Variants in RBFOX1 observed in about 807,000 individuals in gnomAD.
RBFOX1 encodes the protein RNA binding protein fox-1 homolog 1.
A neutral mutation model predicts 57.7 loss-of-function variants in RBFOX1; 8 were observed. The ratio of observed to expected loss-of-function variants is 0.14; its 90% CI spans 0.08 to 0.25. The LOEUF (loss-of-function observed/expected upper bound fraction) is 0.25. RBFOX1 is among the 10% of genes least tolerant of loss of function. The pLI is 1.00. For missense variants in RBFOX1, 611 were observed against 548.5 expected (o/e 1.11, Z -1.14); for synonymous variants, 326 against 222.4 (o/e 1.47, Z -4.15).
chr16:6,851,049 C>T (rs1271379825), intron 3 of RBFOX1, among the ~76,000 whole-genome samples: 1 of 152,068 alleles, frequency 6.6e-6, no homozygotes, highest in Non-Finnish European at 1.5e-5. Flanking sequence ...TAAAAAAGAA[C>T]AAATTATTGA....
At chr16:6,599,121 A>G (rs1567826426) in intron 2 of RBFOX1, among the ~76,000 whole-genome samples, 1 of 152,224 alleles carries the variant, frequency 6.6e-6, no homozygotes. Context: ...ATCACCTGAT[A>G]CGGTCATTTG....
chr16:7,147,293 C>T (rs1232891563), intron 4 of RBFOX1, among the ~76,000 whole-genome samples: 1 of 151,722 alleles, frequency 6.6e-6, no homozygotes, highest in Non-Finnish European at 1.5e-5. Context: ...GCATGAGCCA[C>T]CACACCTGGC....
At chr16:6,970,961 C>T (rs1449913401) in intron 3 of RBFOX1, among the ~76,000 whole-genome samples, 2 of 152,170 alleles carry the variant, frequency 1.3e-5, no homozygotes, top group African/African-American at 2.4e-5. Flanking sequence ...TGCATACCTA[C>T]CCATTTCCTC....
intron 4 of RBFOX1, among the ~76,000 whole-genome samples, chr16:7,294,439 C>CAT (rs2095851995): frequency 6.6e-6 from 1 of 151,122 alleles, no homozygotes; most frequent in South Asian, 2.1e-4. Flanking sequence ...TCTCTTTTGA[C>CAT]ATATGTCAGT....
intron 4 of RBFOX1, among the ~76,000 whole-genome samples, chr16:7,238,443 A>G (rs553987983): frequency 1.7e-4 from 26 of 152,250 alleles, no homozygotes; most frequent in Middle Eastern, 3.4e-3. Flanking sequence ...TTTTGCTTCC[A>G]CAGAGCCTTT....
chr16:6,166,188 A>G (rs1015592016), intron 1 of RBFOX1, among the ~76,000 whole-genome samples: 1 of 152,154 alleles, frequency 6.6e-6, no homozygotes, highest in Non-Finnish European at 1.5e-5. Context: ...CTGACCTTGA[A>G]ATAGGACACC....
chr16:7,423,162 C>G (rs1418369594), intron 4 of RBFOX1: 1 of 151,354 alleles, frequency 6.6e-6, no homozygotes, highest in Non-Finnish European at 1.5e-5. Flanking sequence ...TGTTGGAGCC[C>G]TGCTGTATTT....
At chr16:6,677,764 C>T (rs1426510343) in intron 3 of RBFOX1, among the ~76,000 whole-genome samples, 3 of 152,166 alleles carry the variant, frequency 2.0e-5, no homozygotes, top group South Asian at 2.1e-4. Context: ...CTTCTGACAT[C>T]ACTATACAAG....
chr16:6,144,611 G>A (rs1437334964), intron 1 of RBFOX1, among the ~76,000 whole-genome samples: 1 of 152,206 alleles, frequency 6.6e-6, no homozygotes, highest in Admixed American at 6.5e-5. Flanking sequence ...GCCAAGGGAG[G>A]TGACACATGT....
At chr16:6,715,313 A>G (rs988557511) in intron 3 of RBFOX1, among the ~76,000 whole-genome samples, 1 of 152,038 alleles carries the variant, frequency 6.6e-6, no homozygotes, top group South Asian at 2.1e-4. Flanking sequence ...ATTATCTTCA[A>G]AACTGCCTTA....
intron 1 of RBFOX1, among the ~76,000 whole-genome samples, chr16:6,188,093 A>G (rs540949869): frequency 1.3e-5 from 2 of 152,306 alleles, no homozygotes; most frequent in East Asian, 3.9e-4. Flanking sequence ...GGATCCACGT[A>G]TACAAAAAGT....
At chr16:5,548,374 AAAAT>A (rs1372994117) in intron 2 of RBFOX1, among the ~76,000 whole-genome samples, 1 of 151,528 alleles carries the variant, frequency 6.6e-6, no homozygotes, top group Non-Finnish European at 1.5e-5. Flanking sequence ...CCCTGAATCT[AAAAT>A]AAAAGTTGCA....
rs577018248 is a variant in RBFOX1, at chr16:6,880,690, G to A, written c.-15-171367G>A. 1.6e-4 allele frequency among the ~76,000 whole-genome samples: 25 copies of A among 152,312 alleles called. No individual in the cohort carries two copies. In the South Asian group the frequency reaches 5.0e-3, roughly 30 times the overall value. On this transcript the variant is annotated intron_variant, in intron 3 of 15. Coordinates refer to ENST00000550418, the MANE Select transcript of RBFOX1 (RefSeq NM_018723.4). ...ATCTAGATAAAAAGAGCACTGAGCT[G>A]TATGATGTTCCAGAGTCAGTTTGAC...
At chr16:6,700,056 C>T (rs907011182) in intron 3 of RBFOX1, among the ~76,000 whole-genome samples, 3 of 152,128 alleles carry the variant, frequency 2.0e-5, no homozygotes, top group Admixed American at 6.5e-5. Context: ...TAAAACCTCT[C>T]TCTCATCAAA....
chr16:6,899,209 ATGTG>A (rs922213328), intron 3 of RBFOX1, among the ~76,000 whole-genome samples: 12 of 147,802 alleles, frequency 8.1e-5, no homozygotes, highest in South Asian at 2.1e-4. Flanking sequence ...ATGTGTGTAT[ATGTG>A]TGTGTATGTG....
intron 1 of RBFOX1, among the ~76,000 whole-genome samples, chr16:6,228,179 C>T (rs895078681): frequency 6.6e-5 from 10 of 152,030 alleles, no homozygotes; most frequent in Admixed American, 6.6e-4. Flanking sequence ...GGCTTGGTGA[C>T]ACGCGCCTGT....
chr16:5,470,738 A>T (rs1382551662), intron 2 of RBFOX1, among the ~76,000 whole-genome samples: 1 of 151,990 alleles, frequency 6.6e-6, no homozygotes. Flanking sequence ...CAGAGCTGGG[A>T]TTTGAACCCT....
In RBFOX1 at chr16:6,775,131, C is replaced by T. The variant is rs112686764; in HGVS notation, c.-16+120481C>T. On this transcript the variant is annotated intron_variant, in intron 3 of 15. Transcript: ENST00000550418. ...ACGAGGTCAGGAGATCCAGACCATCCTGGCGAACATGGTGAAACCCCGTCT... is the reference window on the plus strand; with the variant it reads ...ACGAGGTCAGGAGATCCAGACCATCTTGGCGAACATGGTGAAACCCCGTCT... Among the ~76,000 whole-genome samples, 773 of 149,312 alleles carry T rather than the reference C, an allele frequency of 5.2e-3. 7 individuals are homozygous for T. Among genetic ancestry groups the T allele is most frequent in the African/African-American group, 0.018 (738 of 40,170 alleles).
intron 4 of RBFOX1, among the ~76,000 whole-genome samples, chr16:7,454,565 G>A (rs2058094895): frequency 6.6e-6 from 1 of 152,148 alleles, no homozygotes; most frequent in African/African-American, 2.4e-5. Context: ...CACCTGTTGG[G>A]TTATGTCCCC....
Sources: gnomAD v4.1 joint callset for allele counts (sites outside exome capture counted in the v4.1 genomes callset) on GRCh38, gnomAD v4.1.1 for gene constraint, MANE v1.5 for transcripts, NCBI Gene and HGNC (gene_info 2026-07-23, HGNC 2026-07-21) for gene names.